SLC22A15: variants seen among roughly 807,000 people sequenced by gnomAD.
SLC22A15 encodes the protein solute carrier family 22 member 15.
SLC22A15 carries 45 observed loss-of-function variants against 62.7 expected under a neutral mutation model. That is an observed-to-expected ratio of 0.72 (90% confidence interval 0.56 to 0.92). The LOEUF is 0.92. Ranked by LOEUF, SLC22A15 falls within the 40% of genes least tolerant of loss-of-function variation. The pLI, the probability that SLC22A15 is intolerant of heterozygous loss-of-function variation, is 0.00. For synonymous variants in SLC22A15, 264 were observed against 267.0 expected (o/e 0.99, Z 0.11); for missense variants, 622 against 665.6 (o/e 0.93, Z 0.72).
At chr1:116,029,278 A>G (rs1464313880) in intron 5 of SLC22A15, among the ~76,000 whole-genome samples, 1 of 152,100 alleles carries the variant, frequency 6.6e-6, no homozygotes, top group Non-Finnish European at 1.5e-5. Flanking sequence ...ATTTCAGTAG[A>G]TTTACTTTTT....
At chr1:116,015,852 C>G (rs947260380) in intron 2 of SLC22A15, among the ~76,000 whole-genome samples, 4 of 152,162 alleles carry the variant, frequency 2.6e-5, no homozygotes, top group Non-Finnish European at 4.4e-5. Context: ...GAAGGGATCT[C>G]CCTGTGACAG....
At chr1:115,979,758 A>G (rs1432056188) in intron 1 of SLC22A15, among the ~76,000 whole-genome samples, 1 of 152,150 alleles carries the variant, frequency 6.6e-6, no homozygotes, top group African/African-American at 2.4e-5. Context: ...TAGACATGCA[A>G]TGAAAATGGA....
intron 8 of SLC22A15, among the ~76,000 whole-genome samples, chr1:116,058,085 A>AG (rs1255243968): frequency 1.3e-5 from 2 of 151,804 alleles, no homozygotes; most frequent in Admixed American, 6.6e-5. Context: ...TGAAAAAAAA[A>AG]GAAAACAGAC....
chr1:116,051,044 A>G (rs1159991948), intron 8 of SLC22A15, among the ~76,000 whole-genome samples: 3 of 152,230 alleles, frequency 2.0e-5, no homozygotes, highest in South Asian at 4.1e-4. Flanking sequence ...AAGGAAAACT[A>G]CAAAACACTG....
rs140946382 is a variant in SLC22A15, at chr1:115,985,929, G to C, written c.88-6102G>C. ...CCACTGTACTCCAGCCTGCGTGACA[G>C]AGCGAGACTCCATCTCAAAAAAAAA... On this transcript the variant is annotated intron_variant, in intron 1 of 11. Transcript: ENST00000369503. 1.3e-3 allele frequency among the ~76,000 whole-genome samples: 163 copies of C among 127,050 alleles called. 4 individuals carry two copies. The East Asian group carries it at 0.036, about 28-fold the overall frequency. 83.3% of individuals were successfully genotyped at this position (127,050 alleles called of 152,430 possible).
intron 1 of SLC22A15, among the ~76,000 whole-genome samples, chr1:115,978,231 T>C (rs985236132): frequency 3.3e-5 from 5 of 152,174 alleles, no homozygotes; most frequent in South Asian, 2.1e-4. Flanking sequence ...CTTCCTGTTA[T>C]CATTTTCTTA....
rs371374469 is a variant in SLC22A15 at position 116,064,426 on chromosome 1, T to C, written c.1293-10T>C. On this transcript the variant is annotated splice_polypyrimidine_tract_variant and intron_variant, in intron 9 of 11. Transcript: ENST00000369503. ...GAACTTACTGATGTATTTTTACTTA[T>C]GCTTTTCAGGAATGTTGGGCTTGGA... 12 of 1,609,714 alleles carry C rather than the reference T, an allele frequency of 7.5e-6. No homozygotes were observed. The highest frequency in any genetic ancestry group is 1.7e-5 in the Admixed American group (1 of 59,952).
intron 3 of SLC22A15, among the ~76,000 whole-genome samples, chr1:116,020,269 C>T (rs1317817191): frequency 6.7e-6 from 1 of 148,818 alleles, no homozygotes; most frequent in African/African-American, 2.5e-5. Flanking sequence ...AAACACACAG[C>T]TGGCTGGGCG....
intron 8 of SLC22A15, among the ~76,000 whole-genome samples, chr1:116,050,196 A>G (rs905228277): frequency 6.6e-5 from 10 of 152,202 alleles, no homozygotes; most frequent in Admixed American, 2.0e-4. Flanking sequence ...TCCTTTTGAC[A>G]CTATTCCATG....
chr1:116,005,800 A>G (rs532479846), intron 2 of SLC22A15, among the ~76,000 whole-genome samples: 1 of 152,318 alleles, frequency 6.6e-6, no homozygotes, highest in African/African-American at 2.4e-5. Flanking sequence ...GAGTACCTAC[A>G]CATTGGATTA....
At chr1:116,060,112 C>T (rs2488447) in intron 8 of SLC22A15, among the ~76,000 whole-genome samples, 147,242 of 152,334 alleles carry the variant, frequency 0.97, 71,370 homozygotes, top group East Asian at 1. Flanking sequence ...ACCAGTCTAA[C>T]GGCTGCAAAG....
intron 9 of SLC22A15, 145 bp downstream of exon 9, chr1:116,063,027 C>T: frequency 9.8e-7 from 1 of 1,024,344 alleles, no homozygotes; most frequent in South Asian, 1.5e-5. Flanking sequence ...AGGGTGAGAG[C>T]TTGCCTTGGC....
intron 8 of SLC22A15, among the ~76,000 whole-genome samples, chr1:116,054,239 G>C (rs1462249048): frequency 6.6e-6 from 1 of 151,758 alleles, no homozygotes; most frequent in African/African-American, 2.4e-5. Context: ...AACAAAAAAA[G>C]GCATGGGTTG....
At chr1:116,043,769 A>G (rs1261283089) in intron 8 of SLC22A15, among the ~76,000 whole-genome samples, 1 of 152,182 alleles carries the variant, frequency 6.6e-6, no homozygotes, top group African/African-American at 2.4e-5. Context: ...TGTGGAATGA[A>G]AGAGGGGACA....
chr1:115,990,587 A>G (rs906779473), intron 1 of SLC22A15, among the ~76,000 whole-genome samples: 12 of 152,270 alleles, frequency 7.9e-5, no homozygotes, highest in Middle Eastern at 3.4e-3. Context: ...CAGGAAACAT[A>G]TAAGTCTAGG....
Position 115,976,639 on chromosome 1 carries a change from G to A in SLC22A15, c.12G>A (p.Glu4=). The change falls in exon 1 of 12, where the codon GAG becomes GAA. Residue 4 remains glutamate (E), a synonymous_variant. Transcript: ENST00000369503. ...GCGCGCGGCCCGCCATGGAGGTGGA[G>A]GAGGCGTTCCAGGCGGTGGGGGAGA... MEV[E]EAFQAVGEMG... is the part of the protein sequence containing the mutation. The A allele has an allele frequency of 6.3e-7, 1 of 1,583,532 alleles. No homozygotes were observed. The highest frequency in any genetic ancestry group is 8.6e-7 in the Non-Finnish European group (1 of 1,167,694).
intron 2 of SLC22A15, among the ~76,000 whole-genome samples, chr1:115,992,449 A>C (rs1486053863): frequency 4.6e-5 from 7 of 152,204 alleles, no homozygotes; most frequent in Admixed American, 4.6e-4. Flanking sequence ...AGAAGCTTGA[A>C]TCTTTCCAAA....
Position 115,976,635 on chromosome 1 carries a change from T to G in SLC22A15, c.8T>G (p.Val3Gly), listed in dbSNP as rs1351821356. ME[V>G]EEAFQAVGEM... ...TCCTGCGCGCGGCCCGCCATGGAGG[T>G]GGAGGAGGCGTTCCAGGCGGTGGGG... is the stretch of plus-strand genomic sequence containing the variant. The change falls in exon 1 of 12, where the codon GTG becomes GGG. Residue 3 changes from valine to glycine, a missense_variant. Physicochemically the swap from Val to Gly is moderately radical, Grantham distance 109. Coordinates refer to ENST00000369503, the MANE Select transcript of SLC22A15 (RefSeq NM_018420.3). The G allele has an allele frequency of 6.3e-7, 1 of 1,579,938 alleles. No homozygotes were observed.
chr1:116,061,826 A>G (rs1283974276), intron 8 of SLC22A15, among the ~76,000 whole-genome samples: 1 of 152,242 alleles, frequency 6.6e-6, no homozygotes, highest in East Asian at 1.9e-4. Flanking sequence ...TAAAAGCATT[A>G]CATTAAGAAA....
Sources: gnomAD v4.1 joint callset for allele counts (sites outside exome capture counted in the v4.1 genomes callset) on GRCh38, gnomAD v4.1.1 for gene constraint, MANE v1.5 for transcripts, NCBI Gene and HGNC (gene_info 2026-07-23, HGNC 2026-07-21) for gene names.